ALMS1: variants seen among roughly 807,000 people sequenced by gnomAD.
ALMS1 encodes the protein ALMS1 centrosome and basal body associated protein.
In ALMS1, 271 loss-of-function variants were observed where a neutral mutation model predicts 352.2. The observed-to-expected ratio is 0.77, with a 90% confidence interval of 0.70 to 0.85. The LOEUF (loss-of-function observed/expected upper bound fraction) is 0.85. Among genes scored for constraint, ALMS1 ranks in the 40% least tolerant of loss-of-function variants. The pLI is 0.00. For synonymous variants in ALMS1, 1,865 were observed against 1,761.2 expected (o/e 1.06, Z -1.48); for missense variants, 5,445 against 4,870.7 (o/e 1.12, Z -3.51).
chr2:73,489,949 A>G lies in ALMS1; in HGVS notation c.7990A>G (p.Ile2664Val), dbSNP rs1672940398. Reference protein sequence around the residue: ...FQNFIPDEFKISKGLRMPFDE... With the variant: ...FQNFIPDEFKVSKGLRMPFDE... ...GAACTTTATACCTGATGAATTCAAA[A>G]TCAGCAAAGGTCTTCGAATGCCATT... The change falls in exon 10 of 23, where the codon ATC (isoleucine) becomes GTC (valine). Residue 2664 changes from isoleucine to valine, a missense_variant. Coordinates refer to ENST00000613296, the MANE Select transcript of ALMS1 (RefSeq NM_001378454.1). The G allele has an allele frequency of 6.2e-7, 1 of 1,614,250 alleles. No individual in the cohort carries two copies. Among genetic ancestry groups the G allele is most frequent in the East Asian group, 2.2e-5 (1 of 44,886 alleles).
intron 10 of ALMS1, among the ~76,000 whole-genome samples, chr2:73,509,707 C>G (rs1467996008): frequency 6.6e-6 from 1 of 152,130 alleles, no homozygotes; most frequent in African/African-American, 2.4e-5. Context: ...TCCTTCATTT[C>G]AACCTTGGTG....
At chr2:73,429,338 A>G (rs548540626) in intron 6 of ALMS1, among the ~76,000 whole-genome samples, 3 of 144,310 alleles carry the variant, frequency 2.1e-5, no homozygotes, top group African/African-American at 7.9e-5. Flanking sequence ...CTGGAGTGCA[A>G]TGGCACAATC....
chr2:73,575,155 GTT>G (rs1168109300), intron 16 of ALMS1, among the ~76,000 whole-genome samples: 1 of 151,524 alleles, frequency 6.6e-6, no homozygotes, highest in African/African-American at 2.4e-5. Flanking sequence ...ACCACATTTT[GTT>G]TATCCATTCA....
rs185302528 is a variant in ALMS1 at position 73,554,754 on chromosome 2, T to G, written c.10079-2466T>G. ...TGGAAGGAAGAATGAGGGGAGCGTG[T>G]AAGTTTCTAGCCAGATTTTATTTCC... On this transcript the variant is annotated intron_variant, in intron 13 of 22. Transcript: ENST00000613296. 4.6e-5 allele frequency among the ~76,000 whole-genome samples: 7 copies of G among 152,260 alleles called. No individual in the cohort carries two copies. The East Asian group carries it at 1.4e-3, about 29-fold the overall frequency.
At chr2:73,428,819 T>C (rs1671445198) in intron 6 of ALMS1, among the ~76,000 whole-genome samples, 1 of 152,180 alleles carries the variant, frequency 6.6e-6, no homozygotes, top group Non-Finnish European at 1.5e-5. Flanking sequence ...CTGCATGGCT[T>C]AGCTTGCTTT....
In ALMS1 at chr2:73,546,545, CATAA is replaced by C. The variant is rs542564758; in HGVS notation, c.9908-3717_9908-3714del. Among the ~76,000 whole-genome samples the C allele has an allele frequency of 7.8e-4, 119 of 152,164 alleles. 1 individual carries two copies. Among genetic ancestry groups the C allele is most frequent in the Non-Finnish European group, 8.4e-4 (57 of 68,006 alleles). ...GTTGACAGATATTAAACAAATAAAC[CATAA>C]ATAAGTACGTAATTACAAGTGATAA... On this transcript the variant is annotated intron_variant, in intron 12 of 22. Coordinates refer to ENST00000613296, the MANE Select transcript of ALMS1 (RefSeq NM_001378454.1).
chr2:73,408,652 C>T lies in ALMS1; in HGVS notation c.355C>T (p.Gln119Ter), dbSNP rs751804613. The T allele has an allele frequency of 7.7e-5, 124 of 1,613,138 alleles. No homozygotes were observed. The highest frequency in any genetic ancestry group is 1.0e-4 in the Non-Finnish European group (121 of 1,179,542). The stretch of plus-strand genomic sequence containing the variant: ...TCCATTGACCTGTCATGTATGGCAA[C>T]AGATAGTATATCAAGGCAATAGTAG... The part of the protein sequence containing the change: ...IVPLTCHVWQ[Q>*]IVYQGNSRTQ... Residue 119 changes from glutamine to a stop codon, truncating the protein, a stop_gained, in exon 2 of 23, where the codon CAG becomes TAG. Coordinates refer to ENST00000613296, the MANE Select transcript of ALMS1 (RefSeq NM_001378454.1). LOFTEE classifies it high-confidence loss of function.
chr2:73,409,417 G>A lies in ALMS1; in HGVS notation c.450+670G>A, dbSNP rs536590953. ...CATGAGCCACTGTGCCTGTCCTCAG[G>A]ACTCTTTATATTCTTCACAAGTATT... On this transcript the variant is annotated intron_variant, in intron 2 of 22. Coordinates refer to ENST00000613296, the MANE Select transcript of ALMS1 (RefSeq NM_001378454.1). 9.2e-5 allele frequency among the ~76,000 whole-genome samples: 14 copies of A among 152,118 alleles called. No homozygotes were observed. The South Asian group carries it at 2.9e-3, about 32-fold the overall frequency.
chr2:73,399,027 A>G (rs1670820202), intron 1 of ALMS1, among the ~76,000 whole-genome samples: 2 of 151,448 alleles, frequency 1.3e-5, no homozygotes, highest in South Asian at 4.2e-4. Flanking sequence ...TTTTTTTTGT[A>G]TTTTTAGTAG....
At chr2:73,484,199 C>T (rs1475551104) in intron 9 of ALMS1, among the ~76,000 whole-genome samples, 2 of 151,700 alleles carry the variant, frequency 1.3e-5, no homozygotes, top group Non-Finnish European at 2.9e-5. Context: ...CATGATTTTG[C>T]AGCGGCTGGT....
Position 73,424,778 on chromosome 2 carries a change from T to C in ALMS1, c.1113T>C (p.Thr371=), listed in dbSNP as rs1671347403. Residue 371 remains threonine (T), a synonymous_variant, in exon 5 of 23, where the codon ACT becomes ACC. Transcript: ENST00000613296. ...LADKDQVSVA[T]SFDITDENIA... ...ATAAAGATCAAGTTTCAGTTGCAAC[T>C]TCATTTGACATAACTGATGAAAACA... 10 of 1,613,780 alleles carry C rather than the reference T, an allele frequency of 6.2e-6. No individual in the cohort carries two copies. Among genetic ancestry groups the C allele is most frequent in the Non-Finnish European group, 8.5e-6 (10 of 1,179,758 alleles).
At chr2:73,514,612 A>T (rs998619078) in intron 10 of ALMS1, among the ~76,000 whole-genome samples, 1 of 152,194 alleles carries the variant, frequency 6.6e-6, no homozygotes, top group South Asian at 2.1e-4. Context: ...ACAAGAGTGT[A>T]TGTATGTATA....
chr2:73,557,151 G>T, intron 13 of ALMS1, 69 bp from the exon 14 acceptor site: 16 of 1,600,066 alleles, frequency 1.0e-5, no homozygotes, highest in Non-Finnish European at 1.3e-5. Flanking sequence ...GTAATTGTGG[G>T]GGAGGATTAC....
At chr2:73,568,995 CTTTTTTTTTTTTTTTTTTT>C (rs747436819) in intron 15 of ALMS1, among the ~76,000 whole-genome samples, 14 of 53,558 alleles carry the variant, frequency 2.6e-4, no homozygotes, top group South Asian at 2.1e-3. Flanking sequence ...GCTTCTGCTT[CTTTTTTTTTTTTTTTTTTT>C]TTTTTTTTTT....
At position 73,449,661 on chromosome 2, in the gene ALMS1, T is replaced by A. The variant is rs758251102; in HGVS notation, c.3134T>A (p.Val1045Glu). The stretch of plus-strand genomic sequence containing the variant: ...GACCAGAAGACTGAGATACCAGCAG[T>A]ACAGTCTAGTTCTTACCCACAGAGG... ...PADQKTEIPA[V>E]QSSSYPQREK... Residue 1045 changes from valine to glutamate, a missense_variant, in exon 8 of 23, where the codon GTA (valine) becomes GAA (glutamate). Transcript: ENST00000613296. The A allele has an allele frequency of 8.7e-6, 14 of 1,613,978 alleles. No individual in the cohort carries two copies. Among genetic ancestry groups the A allele is most frequent in the Non-Finnish European group, 1.2e-5 (14 of 1,179,906 alleles).
At chr2:73,409,400 A>C (rs1671033817) in intron 2 of ALMS1, among the ~76,000 whole-genome samples, 1 of 152,136 alleles carries the variant, frequency 6.6e-6, no homozygotes, top group African/African-American at 2.4e-5. Flanking sequence ...GGCATGAGCC[A>C]CTGTGCCTGT....
Position 73,572,411 on chromosome 2 carries a change from A to G in ALMS1, c.10534A>G (p.Lys3512Glu). The change falls in exon 16 of 23, where the codon AAA becomes GAA. Residue 3512 changes from lysine to glutamate, a missense_variant. Transcript: ENST00000613296. ...GAGTGTTTTCATGAGACATTCTTGG[A>G]AAGATTTCTTTCAGCATCATCCAGA... ...GKSVFMRHSW[K>E]DFFQHHPDKH... The G allele has an allele frequency of 6.2e-7, 1 of 1,611,340 alleles. No homozygotes were observed. Among genetic ancestry groups the G allele is most frequent in the Non-Finnish European group, 8.5e-7 (1 of 1,179,392 alleles).
At chr2:73,477,147 T>C (rs560684455) in intron 9 of ALMS1, among the ~76,000 whole-genome samples, 3 of 152,280 alleles carry the variant, frequency 2.0e-5, no homozygotes, top group African/African-American at 7.2e-5. Context: ...CTTTTACTTT[T>C]GTTGCCTTTC....
At chr2:73,402,670 T>C (rs1670897125) in intron 1 of ALMS1, among the ~76,000 whole-genome samples, 1 of 152,216 alleles carries the variant, frequency 6.6e-6, no homozygotes, top group African/African-American at 2.4e-5. Context: ...TCCACACCCT[T>C]GCCAACACTT....
Sources: allele counts gnomAD v4.1 joint callset (sites outside exome capture counted in the v4.1 genomes callset), GRCh38; gene constraint gnomAD v4.1.1; transcripts MANE v1.5; gene names NCBI Gene and HGNC (gene_info 2026-07-23, HGNC 2026-07-21).